DAB1: variants seen among roughly 807,000 people sequenced by gnomAD.
DAB1 encodes the protein disabled homolog 1.
In DAB1, 15 loss-of-function variants were observed where a neutral mutation model predicts 64.6. That is an observed-to-expected ratio of 0.23 (90% CI 0.16 to 0.36). The LOEUF is 0.36. Ranked by LOEUF, DAB1 falls within the 10% of genes least tolerant of loss-of-function variation. The pLI is 1.00. For synonymous variants in DAB1, 235 were observed against 251.9 expected (o/e 0.93, Z 0.64); for missense variants, 596 against 706.7 (o/e 0.84, Z 1.78).
chr1:58,260,756 C>A (rs959468782), intron 4 of DAB1, among the ~76,000 whole-genome samples: 1 of 152,202 alleles, frequency 6.6e-6, no homozygotes, highest in African/African-American at 2.4e-5. Flanking sequence ...GACTTCCGCT[C>A]ATCTTTCAAA....
chr1:57,190,911 C>T (rs545406165), intron 2 of DAB1, among the ~76,000 whole-genome samples: 1 of 152,288 alleles, frequency 6.6e-6, no homozygotes, highest in African/African-American at 2.4e-5. Context: ...CAAAGGACTT[C>T]TGATCTAAAG....
At chr1:57,472,012 T>A (rs1172315300) in intron 7 of DAB1, among the ~76,000 whole-genome samples, 1 of 152,188 alleles carries the variant, frequency 6.6e-6, no homozygotes. Context: ...GGAGAAAGAA[T>A]GATAGCAGTT....
Position 58,131,530 on chromosome 1 carries a change from C to T in DAB1, n.387+18981G>A, listed in dbSNP as rs1165092185. Among the ~76,000 whole-genome samples the T allele has an allele frequency of 4.7e-3, 651 of 138,260 alleles. 2 individuals are homozygous for T. The highest frequency in any genetic ancestry group is 0.015 in the African/African-American group (546 of 36,820). The allele number at this position is 138,260 out of a possible 152,430, so 90.7% of individuals were successfully genotyped here. A position where few individuals can be genotyped will look rare whatever the true frequency, so the allele number is the denominator to read the frequency against. Reference sequence around the variant, plus strand: ...CTGCGTTCCTTTGGAGGAGGAGAGGCGCTCTGCTTTTTAGAGTTTCCAGTT... The same window carrying T: ...CTGCGTTCCTTTGGAGGAGGAGAGGTGCTCTGCTTTTTAGAGTTTCCAGTT... On this transcript the variant is annotated intron_variant and non_coding_transcript_variant, in intron 5 of 20. Transcript: ENST00000485760.
chr1:57,328,729 T>C (rs907066594), intron 1 of DAB1, among the ~76,000 whole-genome samples: 2 of 152,334 alleles, frequency 1.3e-5, no homozygotes, highest in Admixed American at 1.3e-4. Context: ...ATCACCACTT[T>C]GCACAGCTGA....
chr1:57,473,193 T>G (rs958730727), intron 7 of DAB1, among the ~76,000 whole-genome samples: 13 of 152,230 alleles, frequency 8.5e-5, no homozygotes, highest in African/African-American at 3.1e-4. Context: ...AAGATAATTC[T>G]GGGCAAGTTA....
chr1:58,024,031 A>G (rs2100460528), intron 5 of DAB1, among the ~76,000 whole-genome samples: 1 of 152,270 alleles, frequency 6.6e-6, no homozygotes, highest in Middle Eastern at 3.4e-3. Context: ...GAGTGGCATG[A>G]GAGTTTTTTA....
At chr1:58,316,445 A>G (rs919800306) in intron 4 of DAB1, among the ~76,000 whole-genome samples, 2 of 152,212 alleles carry the variant, frequency 1.3e-5, no homozygotes, top group Non-Finnish European at 2.9e-5. Flanking sequence ...ACTGAGGTCT[A>G]TCATGAGCCA....
chr1:58,288,835 C>T (rs1020046684), intron 4 of DAB1, among the ~76,000 whole-genome samples: 3 of 152,254 alleles, frequency 2.0e-5, no homozygotes, highest in African/African-American at 4.8e-5. Context: ...CTTGCTTAGA[C>T]TTTTATTGCT....
chr1:57,495,958 C>G (rs1205910362), intron 7 of DAB1, among the ~76,000 whole-genome samples: 1 of 152,186 alleles, frequency 6.6e-6, no homozygotes, highest in Non-Finnish European at 1.5e-5. Flanking sequence ...ATTTCTGTCT[C>G]ATTACCAATT....
At chr1:58,491,965 C>T (rs866990702) in intron 3 of DAB1, among the ~76,000 whole-genome samples, 26 of 152,246 alleles carry the variant, frequency 1.7e-4, no homozygotes, top group Admixed American at 4.6e-4. Flanking sequence ...AATATACATT[C>T]TTTTCAGCAC....
rs58370609 is a variant in DAB1, at chr1:58,118,565, CATAT to C, written n.387+31942_387+31945del. Reference sequence around the variant, plus strand: ...CATATATATACATATATATAAAATACATATATATATATACATATATATATAAAAT... The same window carrying C: ...CATATATATACATATATATAAAATACATATATATACATATATATATAAAAT... On this transcript the variant is annotated intron_variant and non_coding_transcript_variant, in intron 5 of 20. Coordinates refer to the DAB1 transcript ENST00000485760. 4.3e-3 allele frequency among the ~76,000 whole-genome samples: 405 copies of C among 93,850 alleles called. 2 individuals carry two copies. The highest frequency in any genetic ancestry group is 0.026 in the Middle Eastern group (5 of 192). The allele number at this position is 93,850 out of a possible 152,430, so 61.6% of individuals were successfully genotyped here.
chr1:57,029,271 C>G (rs1646891616), intron 9 of DAB1, among the ~76,000 whole-genome samples: 1 of 152,132 alleles, frequency 6.6e-6, no homozygotes, highest in African/African-American at 2.4e-5. Flanking sequence ...TACGGGTGCA[C>G]AGAAGTCAAG....
intron 5 of DAB1, among the ~76,000 whole-genome samples, chr1:58,024,177 T>A (rs1412429151): frequency 6.6e-6 from 1 of 152,190 alleles, no homozygotes; most frequent in East Asian, 1.9e-4. Context: ...GCAATAGATA[T>A]AGTCATAAGA....
At chr1:58,286,719 G>A (rs1416159551) in intron 4 of DAB1, among the ~76,000 whole-genome samples, 1 of 152,202 alleles carries the variant, frequency 6.6e-6, no homozygotes, top group African/African-American at 2.4e-5. Flanking sequence ...CACTGTTGGT[G>A]GGAATGTAAA....
chr1:57,169,559 C>A (rs902484051), intron 2 of DAB1, among the ~76,000 whole-genome samples: 1 of 152,178 alleles, frequency 6.6e-6, no homozygotes, highest in Non-Finnish European at 1.5e-5. Context: ...TTTCATCAGG[C>A]CTCTGAAACT....
chr1:57,372,123 T>C (rs745711109), intron 1 of DAB1, among the ~76,000 whole-genome samples: 14 of 152,246 alleles, frequency 9.2e-5, no homozygotes, highest in African/African-American at 3.4e-4. Context: ...AATTATTCAA[T>C]TGGATTTGCA....
At chr1:58,208,715 T>A (rs369381092) in intron 4 of DAB1, among the ~76,000 whole-genome samples, 19 of 152,210 alleles carry the variant, frequency 1.2e-4, no homozygotes, top group African/African-American at 4.3e-4. Flanking sequence ...GCTGGTTCCA[T>A]GCTTTTGCAA....
chr1:57,167,413 A>G (rs1661304758), intron 2 of DAB1, among the ~76,000 whole-genome samples: 1 of 151,996 alleles, frequency 6.6e-6, no homozygotes, highest in Non-Finnish European at 1.5e-5. Context: ...TGCTTCTACG[A>G]CTATCTTGGT....
chr1:58,224,140 C>A (rs1452992141), intron 4 of DAB1, among the ~76,000 whole-genome samples: 1 of 152,170 alleles, frequency 6.6e-6, no homozygotes, highest in Non-Finnish European at 1.5e-5. Context: ...TCAGACAAAC[C>A]AGGTTCAAAT....
Sources: gnomAD v4.1 joint callset for allele counts (sites outside exome capture counted in the v4.1 genomes callset) on GRCh38, gnomAD v4.1.1 for gene constraint, MANE v1.5 for transcripts, NCBI Gene and HGNC (gene_info 2026-07-23, HGNC 2026-07-21) for gene names.